The following KALRN variants were observed in gnomAD, a reference collection of about 807,000 sequenced individuals.
KALRN encodes the protein kalirin RhoGEF kinase, also known as kalirin.
Under a neutral mutation model 353.7 loss-of-function variants are expected in KALRN, and 70 were observed. The ratio of observed to expected loss-of-function variants is 0.20; its 90% CI spans 0.16 to 0.24. The LOEUF (loss-of-function observed/expected upper bound fraction) is 0.24. Among genes scored for constraint, KALRN ranks in the 10% least tolerant of loss-of-function variants. KALRN has a pLI of 1.00. For synonymous variants in KALRN, 1,391 were observed against 1,434.8 expected, an observed-to-expected ratio of 0.97 and a Z score of 0.69; for missense variants, 2,791 against 3,756.7, an observed-to-expected ratio of 0.74 and a Z score of 6.72.
intron 1 of KALRN, among the ~76,000 whole-genome samples, chr3:124,065,625 C>A (rs1325585363): frequency 1.0e-5 from 1 of 99,714 alleles, no homozygotes; most frequent in African/African-American, 3.6e-5. Context: ...CTAAAACATT[C>A]CTTAGTTAAA....
intron 37 of KALRN, among the ~76,000 whole-genome samples, chr3:124,642,806 G>GTTTTTTTTTTTTTTTTGTTGTTTTTTT (rs2082215459): frequency 1.0e-5 from 1 of 96,840 alleles, no homozygotes; most frequent in African/African-American, 4.5e-5. Flanking sequence ...CCCAAGCCTC[G>GTTTTTTTTTTTTTTTTGTTGTTTTTTT]TTTTTTTTTT....
At chr3:124,541,192 G>A (rs1287716361) in intron 33 of KALRN, among the ~76,000 whole-genome samples, 1 of 152,220 alleles carries the variant, frequency 6.6e-6, no homozygotes, top group Non-Finnish European at 1.5e-5. Flanking sequence ...GCTCACGCCT[G>A]TAATCCCAGC....
In KALRN at chr3:124,398,907, C is replaced by T. The variant is rs373981430; in HGVS notation, c.2346+36C>T. 7.7e-6 allele frequency: 12 copies of T among 1,564,410 alleles called. No homozygotes were observed. The African/African-American group carries it at 1.6e-4, about 21-fold the overall frequency. On this transcript the variant is annotated intron_variant, in intron 13 of 59. Coordinates refer to ENST00000682506, the MANE Select transcript of KALRN (RefSeq NM_001388419.1). ...GCCAGGAGGGGAGGTGGAGAGGGGC[C>T]AAGAAGTGCTTCCTGGCCAAGGGCA...
chr3:124,159,484 C>G (rs1475022897), intron 1 of KALRN, among the ~76,000 whole-genome samples: 4 of 151,528 alleles, frequency 2.6e-5, no homozygotes, highest in Non-Finnish European at 5.9e-5. Context: ...GTTGCCAAGG[C>G]TGGTCTTGAA....
intron 1 of KALRN, among the ~76,000 whole-genome samples, chr3:124,050,497 G>A (rs2149141431): frequency 6.6e-6 from 1 of 152,296 alleles, no homozygotes; most frequent in Admixed American, 6.5e-5. Flanking sequence ...TTTTCTAGAG[G>A]CCTTCAACAC....
rs1232131625 is a variant in KALRN, at chr3:124,334,968, T to A, written c.1647+473T>A. ...TGCCATCACACCCAGCTAATTTTTGTATTTTTGGTGGAGACGGGGTTTCAC... is the reference window on the plus strand; with the variant it reads ...TGCCATCACACCCAGCTAATTTTTGAATTTTTGGTGGAGACGGGGTTTCAC... On this transcript the variant is annotated intron_variant, in intron 9 of 59. Transcript: ENST00000682506. This position sits in a 1 kb window ranked among gnomAD's most constrained non-coding sequence, Gnocchi z 4.2. 6.6e-6 allele frequency among the ~76,000 whole-genome samples: 1 copy of A among 152,184 alleles called. No homozygotes were observed. The highest frequency in any genetic ancestry group is 1.9e-4 in the East Asian group (1 of 5,194).
intron 5 of KALRN, among the ~76,000 whole-genome samples, chr3:124,270,852 C>T (rs186640044): frequency 6.1e-4 from 67 of 109,992 alleles, no homozygotes; most frequent in Middle Eastern, 6.6e-3. Context: ...TTTTTTGAGA[C>T]GGAGTCTCGC....
chr3:124,226,625 A>ATC (rs2078540430), intron 1 of KALRN, among the ~76,000 whole-genome samples: 1 of 152,222 alleles, frequency 6.6e-6, no homozygotes. Flanking sequence ...GTGAGCACAC[A>ATC]TCTCTCTTCC....
chr3:124,658,055 G>A (rs896798382), intron 41 of KALRN, among the ~76,000 whole-genome samples: 44 of 152,158 alleles, frequency 2.9e-4, no homozygotes, highest in African/African-American at 9.4e-4. Context: ...TTGGGGGGGC[G>A]GAGGCAGGAG....
chr3:124,630,380 G>GTGTTTGTT (rs140992996), intron 34 of KALRN, among the ~76,000 whole-genome samples: 14,350 of 150,010 alleles, frequency 0.096, 1,005 homozygotes, highest in East Asian at 0.3. Context: ...AGGCCCAGTA[G>GTGTTTGTT]TGTTTGTTTG....
intron 1 of KALRN, among the ~76,000 whole-genome samples, chr3:124,200,464 C>T (rs561585535): frequency 3.3e-5 from 5 of 152,258 alleles, no homozygotes; most frequent in African/African-American, 1.2e-4. Flanking sequence ...GGCAAATGGG[C>T]TCTCTGGGGT....
At chr3:124,362,371 A>AT (rs2084152329) in intron 10 of KALRN, among the ~76,000 whole-genome samples, 5 of 152,244 alleles carry the variant, frequency 3.3e-5, no homozygotes, top group Admixed American at 3.3e-4. Context: ...CATCTGAGTT[A>AT]TTCCACCTGG....
At chr3:124,145,576 G>A (rs1397365029) in intron 1 of KALRN, among the ~76,000 whole-genome samples, 1 of 152,200 alleles carries the variant, frequency 6.6e-6, no homozygotes, top group African/African-American at 2.4e-5. Context: ...GTGACTTGCA[G>A]TCACTGCAGC....
At chr3:124,640,647 G>C (rs895686224) in intron 37 of KALRN, among the ~76,000 whole-genome samples, 1 of 152,232 alleles carries the variant, frequency 6.6e-6, no homozygotes, top group East Asian at 1.9e-4. Flanking sequence ...AACTGGAGGG[G>C]CCCAGAGGAG....
chr3:124,468,934 G>GGGAATA (rs2060617717), intron 25 of KALRN, among the ~76,000 whole-genome samples: 2 of 152,182 alleles, frequency 1.3e-5, no homozygotes, highest in Admixed American at 1.3e-4. Context: ...ATAGACGTTA[G>GGGAATA]GGAATACCCA....
chr3:124,358,975 C>T (rs1333592917), intron 10 of KALRN, among the ~76,000 whole-genome samples: 1 of 152,182 alleles, frequency 6.6e-6, no homozygotes, highest in Non-Finnish European at 1.5e-5. Context: ...CATCCCAGAG[C>T]CAGTTCCTAG....
At chr3:124,348,942 C>T (rs1293289204) in intron 10 of KALRN, among the ~76,000 whole-genome samples, 1 of 152,142 alleles carries the variant, frequency 6.6e-6, no homozygotes, top group Non-Finnish European at 1.5e-5. Flanking sequence ...TGGTCTCGAA[C>T]TCCTGACCTC....
chr3:124,301,696 T>C (rs139338621), intron 6 of KALRN, among the ~76,000 whole-genome samples: 54 of 152,164 alleles, frequency 3.5e-4, no homozygotes, highest in African/African-American at 1.2e-3. Flanking sequence ...GGGTGATGGA[T>C]GTTGCTGCCA....
chr3:124,164,544 A>C (rs1441613651), intron 1 of KALRN: 2 of 152,216 alleles, frequency 1.3e-5, no homozygotes, highest in East Asian at 3.8e-4. Flanking sequence ...ACCTATAGAA[A>C]ACTTGTCATA....
Sources: allele counts gnomAD v4.1 joint callset (sites outside exome capture counted in the v4.1 genomes callset), GRCh38; gene constraint gnomAD v4.1.1; non-coding constraint Gnocchi (gnomAD v3.1); transcripts MANE v1.5; gene names NCBI Gene and HGNC (gene_info 2026-07-23, HGNC 2026-07-21).